Variants in AGAP1 observed in about 807,000 individuals in gnomAD.
The protein encoded by AGAP1 is arf-GAP with GTPase, ANK repeat and PH domain-containing protein 1.
Under a neutral mutation model 105.3 loss-of-function variants are expected in AGAP1, and 29 were observed. That is an observed-to-expected ratio of 0.28 (90% CI 0.21 to 0.38). AGAP1 has a LOEUF of 0.38. Among genes scored for constraint, AGAP1 ranks in the 10% least tolerant of loss-of-function variants. AGAP1 has a pLI of 1.00. For missense variants in AGAP1, 998 were observed against 1,165.1 expected (o/e 0.86, Z 2.09); for synonymous variants, 509 against 485.9 (o/e 1.05, Z -0.63).
chr2:235,626,212 G>A (rs1274694192), intron 1 of AGAP1, among the ~76,000 whole-genome samples: 1 of 150,772 alleles, frequency 6.6e-6, no homozygotes, highest in Non-Finnish European at 1.5e-5. Flanking sequence ...AAAAAAATTA[G>A]CCGGTTATGG....
In AGAP1 at chr2:235,889,961, G is replaced by A. The variant is rs1443802201; in HGVS notation, c.1155+6512G>A. Among the ~76,000 whole-genome samples the A allele has an allele frequency of 1.3e-5, 2 of 152,068 alleles. No individual in the cohort carries two copies. The highest frequency in any genetic ancestry group is 4.8e-5 in the African/African-American group (2 of 41,400). ...TCCAGGCCCCAGATCTGCTCAGCTT[G>A]GGTTCTGTGAAGTCTTGACCCCAGC... On this transcript the variant is annotated intron_variant, in intron 10 of 17. Coordinates refer to ENST00000304032, the MANE Select transcript of AGAP1 (RefSeq NM_001037131.3). The surrounding 1 kb of genome is among the most constrained non-coding windows in gnomAD (Gnocchi z 4.6).
rs2057851618 is a variant in AGAP1, at chr2:236,050,062, G to A, written c.2114+781G>A. On this transcript the variant is annotated intron_variant, in intron 16 of 17. Coordinates refer to ENST00000304032, the MANE Select transcript of AGAP1 (RefSeq NM_001037131.3). This position sits in a 1 kb window ranked among gnomAD's most constrained non-coding sequence, Gnocchi z 4.0. ...AGGAAGTGGGAGGTTGAGGTTTGCT[G>A]TCCGTGTTTGCCTCTCAGGTGTCTG... Among the ~76,000 whole-genome samples the A allele has an allele frequency of 6.6e-6, 1 of 152,206 alleles. No homozygotes were observed. The highest frequency in any genetic ancestry group is 2.1e-4 in the South Asian group (1 of 4,832).
intron 13 of AGAP1, among the ~76,000 whole-genome samples, chr2:235,999,721 C>A (rs1339656371): frequency 7.9e-6 from 1 of 126,482 alleles, no homozygotes; most frequent in Non-Finnish European, 1.7e-5. Context: ...GCGACGATGG[C>A]AGTTTGATGA....
rs2056863591 is a variant in AGAP1 at position 236,020,990 on chromosome 2, A to T, written c.1646-15571A>T. Among the ~76,000 whole-genome samples the T allele has an allele frequency of 6.6e-6, 1 of 151,772 alleles. No individual in the cohort carries two copies. Among genetic ancestry groups the T allele is most frequent in the Non-Finnish European group, 1.5e-5 (1 of 67,980 alleles). ...AGACCAGCCTGGTCAACGTGGTGAA[A>T]CCCCATCTCTACTAAAAATACAAAA... is the stretch of plus-strand genomic sequence containing the variant. On this transcript the variant is annotated intron_variant, in intron 13 of 17. Transcript: ENST00000304032. This position sits in a 1 kb window ranked among gnomAD's most constrained non-coding sequence, Gnocchi z 5.0.
chr2:235,724,418 A>G lies in AGAP1; in HGVS notation c.310+6774A>G, dbSNP rs1374361375. Among the ~76,000 whole-genome samples the G allele has an allele frequency of 2.0e-5, 3 of 152,224 alleles. No homozygotes were observed. On this transcript the variant is annotated intron_variant, in intron 3 of 17. Coordinates refer to ENST00000304032, the MANE Select transcript of AGAP1 (RefSeq NM_001037131.3). The surrounding 1 kb of genome is among the most constrained non-coding windows in gnomAD (Gnocchi z 4.9). ...GTCCCAGAGACGGAACACACTGGTCACTGGGAGATTAGCCTCCCTCATTCA... is the reference window on the plus strand; with the variant it reads ...GTCCCAGAGACGGAACACACTGGTCGCTGGGAGATTAGCCTCCCTCATTCA...
intron 1 of AGAP1, among the ~76,000 whole-genome samples, chr2:235,538,678 C>G (rs575369272): frequency 2.6e-5 from 4 of 152,236 alleles, no homozygotes; most frequent in South Asian, 2.1e-4. Flanking sequence ...ACCATCCTCA[C>G]TCATCTTGTA....
rs1049116773 is a variant in AGAP1, at chr2:235,689,939, G to T, written c.164-19240G>T. Among the ~76,000 whole-genome samples the T allele has an allele frequency of 6.6e-6, 1 of 152,004 alleles. No individual in the cohort carries two copies. The highest frequency in any genetic ancestry group is 1.5e-5 in the Non-Finnish European group (1 of 67,996). The stretch of plus-strand genomic sequence containing the variant: ...TGTGGTATTTTTTTTTTTAAATACT[G>T]CTTTTGTTTATTTTCCCTGGTCTAA... On this transcript the variant is annotated intron_variant, in intron 1 of 17. Coordinates refer to ENST00000304032, the MANE Select transcript of AGAP1 (RefSeq NM_001037131.3). The surrounding 1 kb of genome is among the most constrained non-coding windows in gnomAD (Gnocchi z 4.2).
chr2:235,852,824 G>T (rs1257558906), intron 9 of AGAP1: 3 of 1,504,982 alleles, frequency 2.0e-6, no homozygotes, highest in African/African-American at 1.4e-5. Context: ...CCCACAATCA[G>T]CCCAGCTGTC....
In AGAP1 at chr2:235,549,885, G is replaced by T. The variant is rs1333928384; in HGVS notation, c.163+55036G>T. On this transcript the variant is annotated intron_variant, in intron 1 of 17. Coordinates refer to ENST00000304032, the MANE Select transcript of AGAP1 (RefSeq NM_001037131.3). The surrounding 1 kb of genome is among the most constrained non-coding windows in gnomAD (Gnocchi z 4.2). ...GAGTGAGTGGGAGGACTCGCCCTGCGCAGGTGGAGGGTGATGAGAGGCTGG... is the reference window on the plus strand; with the variant it reads ...GAGTGAGTGGGAGGACTCGCCCTGCTCAGGTGGAGGGTGATGAGAGGCTGG... 1.3e-5 allele frequency among the ~76,000 whole-genome samples: 2 copies of T among 152,158 alleles called. No homozygotes were observed. Among genetic ancestry groups the T allele is most frequent in the Non-Finnish European group, 2.9e-5 (2 of 68,040 alleles).
rs2052384146 is a variant in AGAP1 at position 235,925,159 on chromosome 2, C to A, written c.1325-5606C>A. On this transcript the variant is annotated intron_variant, in intron 11 of 17. Coordinates refer to ENST00000304032, the MANE Select transcript of AGAP1 (RefSeq NM_001037131.3). ...TCCGGGGTAGAAGCTTCCTTTAAGA[C>A]CCTTGTATTTGCGCGTGACTTGAGG... Among the ~76,000 whole-genome samples, 4 of 152,118 alleles carry A rather than the reference C, an allele frequency of 2.6e-5. No individual in the cohort carries two copies. In the South Asian group the frequency reaches 8.3e-4, roughly 32 times the overall value.
In AGAP1 at chr2:235,981,450, T is replaced by TACAC. The variant is rs10639320; in HGVS notation, c.1645+12848_1645+12851dup. Among the ~76,000 whole-genome samples the TACAC allele has an allele frequency of 3.3e-3, 495 of 149,262 alleles. 2 individuals carry two copies. The highest frequency in any genetic ancestry group is 0.013 in the South Asian group (61 of 4,676). On this transcript the variant is annotated intron_variant, in intron 13 of 17. Coordinates refer to ENST00000304032, the MANE Select transcript of AGAP1 (RefSeq NM_001037131.3). This position sits in a 1 kb window ranked among gnomAD's most constrained non-coding sequence, Gnocchi z 5.5. ...AATTTCTAAGTTCATGTTCCATGCGTACACACACACACACACACACACACG... is the reference window on the plus strand; with the variant it reads ...AATTTCTAAGTTCATGTTCCATGCGTACACACACACACACACACACACACACACG...
chr2:235,669,313 G>C (rs146064235), intron 1 of AGAP1, among the ~76,000 whole-genome samples: 9 of 152,260 alleles, frequency 5.9e-5, no homozygotes, highest in African/African-American at 2.2e-4. Flanking sequence ...GAGGCTGCAT[G>C]GTTAGGAAAG....
intron 1 of AGAP1, among the ~76,000 whole-genome samples, chr2:235,632,883 A>G (rs920040068): frequency 1.3e-5 from 2 of 152,148 alleles, no homozygotes; most frequent in Admixed American, 6.5e-5. Flanking sequence ...TTAGATTTAC[A>G]TAATTGTTTT....
At chr2:235,567,508 C>T (rs1944384361) in intron 1 of AGAP1, among the ~76,000 whole-genome samples, 1 of 152,204 alleles carries the variant, frequency 6.6e-6, no homozygotes, top group Admixed American at 6.5e-5. Flanking sequence ...CTTGCTTCTC[C>T]CCGTGTCTGT....
Position 236,090,134 on chromosome 2 carries a change from C to T in AGAP1, c.2115-30058C>T, listed in dbSNP as rs1456692532. On this transcript the variant is annotated intron_variant, in intron 16 of 17. Coordinates refer to ENST00000304032, the MANE Select transcript of AGAP1 (RefSeq NM_001037131.3). The surrounding 1 kb of genome is among the most constrained non-coding windows in gnomAD (Gnocchi z 4.3). ...GCGCGCCTGAGCCCTTCACAGAGAC[C>T]GGCCGTGTCCTCACCCCTCTGTCAC... Among the ~76,000 whole-genome samples the T allele has an allele frequency of 6.6e-6, 1 of 152,164 alleles. No homozygotes were observed. Among genetic ancestry groups the T allele is most frequent in the Non-Finnish European group, 1.5e-5 (1 of 68,042 alleles).
chr2:235,905,530 C>T lies in AGAP1; in HGVS notation c.1156-3208C>T, dbSNP rs749061877. Among the ~76,000 whole-genome samples the T allele has an allele frequency of 7.2e-5, 11 of 152,074 alleles. No homozygotes were observed. The highest frequency in any genetic ancestry group is 1.3e-4 in the Non-Finnish European group (9 of 68,012). On this transcript the variant is annotated intron_variant, in intron 10 of 17. Coordinates refer to ENST00000304032, the MANE Select transcript of AGAP1 (RefSeq NM_001037131.3). This position sits in a 1 kb window ranked among gnomAD's most constrained non-coding sequence, Gnocchi z 4.2. ...TCTTTTCTTTTTGAGACAGAGTTTC[C>T]CTCTTGTCGCTTAGGCTGGAGTGCA...
chr2:235,778,373 C>CAGA (rs1475326007), intron 6 of AGAP1, among the ~76,000 whole-genome samples: 4 of 152,208 alleles, frequency 2.6e-5, no homozygotes, highest in Non-Finnish European at 5.9e-5. Flanking sequence ...CACGTCTAAT[C>CAGA]AGACAGCATC....
In AGAP1 at chr2:236,124,254, C is replaced by A; in HGVS notation, c.*132C>A. 1.0e-6 allele frequency: 1 copy of A among 991,588 alleles called. No homozygotes were observed. The highest frequency in any genetic ancestry group is 1.5e-6 in the Non-Finnish European group (1 of 669,714). 61.4% of individuals were successfully genotyped at this position (991,588 alleles called of 1,614,324 possible). A position where few individuals can be genotyped will look rare whatever the true frequency, so the allele number is the denominator to read the frequency against. Reference sequence around the variant, plus strand: ...CTGGTGGCCACCTCCCTCCCGCCCACCCACTCTCACCCCAAACAAAATCAC... The same window carrying A: ...CTGGTGGCCACCTCCCTCCCGCCCAACCACTCTCACCCCAAACAAAATCAC... On this transcript the variant is annotated 3_prime_UTR_variant, in exon 18 of 18. Coordinates refer to ENST00000304032, the MANE Select transcript of AGAP1 (RefSeq NM_001037131.3). The surrounding 1 kb of genome is among the most constrained non-coding windows in gnomAD (Gnocchi z 5.1).
At position 235,623,319 on chromosome 2, in the gene AGAP1, A is replaced by T. The variant is rs1335084342; in HGVS notation, c.164-85860A>T. On this transcript the variant is annotated intron_variant, in intron 1 of 17. Transcript: ENST00000304032. This position sits in a 1 kb window ranked among gnomAD's most constrained non-coding sequence, Gnocchi z 4.5. ...CAAATGAATCTGGGCGTTAGCCTAC[A>T]AATCAAGATTTGCTTTGCCTCGTTG... is the stretch of plus-strand genomic sequence containing the variant. 6.6e-6 allele frequency among the ~76,000 whole-genome samples: 1 copy of T among 152,228 alleles called. No homozygotes were observed. The highest frequency in any genetic ancestry group is 1.5e-5 in the Non-Finnish European group (1 of 68,050).
Sources: allele counts gnomAD v4.1 joint callset (sites outside exome capture counted in the v4.1 genomes callset), GRCh38; gene constraint gnomAD v4.1.1; non-coding constraint Gnocchi (gnomAD v3.1); transcripts MANE v1.5; gene names NCBI Gene and HGNC (gene_info 2026-07-23, HGNC 2026-07-21).